FSTL5: variants seen among roughly 807,000 people sequenced by gnomAD.
The protein encoded by FSTL5 is follistatin like 5.
Under a neutral mutation model 89.1 loss-of-function variants are expected in FSTL5, and 62 were observed. The observed-to-expected ratio is 0.70, with a 90% CI of 0.57 to 0.86. FSTL5 has a LOEUF of 0.86. FSTL5 is among the 40% of genes least tolerant of loss of function. The pLI is 0.00. For synonymous variants in FSTL5, 383 were observed against 346.2 expected (o/e 1.11, Z -1.18); for missense variants, 1,057 against 1,001.6 (o/e 1.06, Z -0.75).
chr4:161,502,697 T>C (rs2126487857), intron 11 of FSTL5, among the ~76,000 whole-genome samples: 1 of 151,988 alleles, frequency 6.6e-6, no homozygotes. Flanking sequence ...CATTATTTTC[T>C]TCCTCAAAAG....
At chr4:161,607,211 T>C (rs1029597053) in intron 7 of FSTL5, among the ~76,000 whole-genome samples, 16 of 152,178 alleles carry the variant, frequency 1.1e-4, no homozygotes, top group Non-Finnish European at 2.2e-4. Flanking sequence ...TTCTCCATTA[T>C]TATGAAAATG....
chr4:161,749,176 A>G (rs768529266), intron 6 of FSTL5, among the ~76,000 whole-genome samples: 44 of 152,300 alleles, frequency 2.9e-4, no homozygotes, highest in Non-Finnish European at 5.4e-4. Flanking sequence ...ACTACTGGGT[A>G]TCTATCTACC....
intron 4 of FSTL5, among the ~76,000 whole-genome samples, chr4:161,879,913 G>A (rs769650044): frequency 4.6e-5 from 7 of 152,044 alleles, no homozygotes; most frequent in Non-Finnish European, 7.4e-5. Flanking sequence ...TAGCTCCATG[G>A]GAGCAACAGA....
Position 161,937,761 on chromosome 4 carries a change from A to T in FSTL5, c.161-17109T>A, listed in dbSNP as rs191809526. Among the ~76,000 whole-genome samples the T allele has an allele frequency of 2.0e-5, 3 of 152,304 alleles. No homozygotes were observed. In the East Asian group the frequency reaches 5.8e-4, roughly 29 times the overall value. ...GTATTTCTGCTTTAGCATGCTCCTC[A>T]GCACTGGAGGTAAGCAATGGCAAAC... On this transcript the variant is annotated intron_variant, in intron 3 of 15. Coordinates refer to ENST00000306100, the MANE Select transcript of FSTL5 (RefSeq NM_020116.5).
intron 15 of FSTL5, among the ~76,000 whole-genome samples, chr4:161,398,918 TA>T (rs1388516825): frequency 6.6e-6 from 1 of 152,032 alleles, no homozygotes; most frequent in Non-Finnish European, 1.5e-5. Flanking sequence ...TTAAGCAATT[TA>T]AAAGCCCAGA....
intron 2 of FSTL5, among the ~76,000 whole-genome samples, chr4:162,104,882 G>C (rs1265622929): frequency 6.6e-6 from 1 of 152,138 alleles, no homozygotes; most frequent in East Asian, 1.9e-4. Context: ...AGCTTGGAAG[G>C]TAAAAAGAGG....
At chr4:161,488,461 T>C (rs971869803) in intron 12 of FSTL5, among the ~76,000 whole-genome samples, 3 of 152,104 alleles carry the variant, frequency 2.0e-5, no homozygotes, top group Admixed American at 6.6e-5. Context: ...TATGACACTA[T>C]GCTATCATAA....
chr4:161,938,025 C>T (rs958246684), intron 3 of FSTL5, among the ~76,000 whole-genome samples: 1 of 152,112 alleles, frequency 6.6e-6, no homozygotes, highest in African/African-American at 2.4e-5. Context: ...TTTTAACAGA[C>T]CTTCCTTTAC....
intron 15 of FSTL5, among the ~76,000 whole-genome samples, chr4:161,423,178 C>T (rs1560887707): frequency 6.6e-6 from 1 of 152,008 alleles, no homozygotes; most frequent in Non-Finnish European, 1.5e-5. Context: ...CACCATTTCC[C>T]TCATATGGAA....
Position 161,834,060 on chromosome 4 carries a change from A to T in FSTL5, c.410-57986T>A, listed in dbSNP as rs190216194. Among the ~76,000 whole-genome samples the T allele has an allele frequency of 1.6e-3, 242 of 152,292 alleles. 1 individual carries two copies. The highest frequency in any genetic ancestry group is 5.7e-3 in the African/African-American group (235 of 41,572). Reference sequence around the variant, plus strand: ...TTGATGCAAAAATCCTCAATAAAATACTGGCAAAAAGAATCCAACAGCACA... The same window carrying T: ...TTGATGCAAAAATCCTCAATAAAATTCTGGCAAAAAGAATCCAACAGCACA... On this transcript the variant is annotated intron_variant, in intron 4 of 15. Transcript: ENST00000306100.
chr4:161,499,338 G>T (rs1437749439), intron 12 of FSTL5, among the ~76,000 whole-genome samples: 1 of 152,056 alleles, frequency 6.6e-6, no homozygotes, highest in Non-Finnish European at 1.5e-5. Context: ...TTAAATAAAA[G>T]GACATTAGAT....
intron 7 of FSTL5, among the ~76,000 whole-genome samples, chr4:161,615,483 G>A (rs538836894): frequency 6.7e-6 from 1 of 149,656 alleles, no homozygotes; most frequent in Non-Finnish European, 1.5e-5. Context: ...AGAAATACAG[G>A]CCTTCTAAAT....
Position 161,834,295 on chromosome 4 carries a change from C to T in FSTL5, c.410-58221G>A, listed in dbSNP as rs181865892. ...CTCAATAAATTAGGTATTGATGGGA[C>T]GTATCTCAAAATAACAAGAGTTATC... is the stretch of plus-strand genomic sequence containing the variant. On this transcript the variant is annotated intron_variant, in intron 4 of 15. Coordinates refer to ENST00000306100, the MANE Select transcript of FSTL5 (RefSeq NM_020116.5). Among the ~76,000 whole-genome samples, 1,209 of 152,206 alleles carry T rather than the reference C, an allele frequency of 7.9e-3. 20 individuals carry two copies. The highest frequency in any genetic ancestry group is 0.026 in the African/African-American group (1,069 of 41,528).
At chr4:161,826,762 A>G (rs1730681881) in intron 4 of FSTL5, among the ~76,000 whole-genome samples, 1 of 152,002 alleles carries the variant, frequency 6.6e-6, no homozygotes, top group African/African-American at 2.4e-5. Context: ...CTACCCCTTA[A>G]CCTTAAGTTA....
chr4:161,897,590 A>AG lies in FSTL5; in HGVS notation c.409+22813_409+22814insC, dbSNP rs1268180203. Among the ~76,000 whole-genome samples, 1,367 of 150,840 alleles carry AG rather than the reference A, an allele frequency of 9.1e-3. 21 individuals carry two copies. The highest frequency in any genetic ancestry group is 0.032 in the African/African-American group (1,322 of 41,100). On this transcript the variant is annotated intron_variant, in intron 4 of 15. Transcript: ENST00000306100. ...AACTCCGTCTCAAAAAAAAAAAAAA[A>AG]AAAAGAAAAAAAATATATATATGCA...
intron 3 of FSTL5, among the ~76,000 whole-genome samples, chr4:161,991,472 T>A (rs1736110388): frequency 6.6e-6 from 1 of 152,188 alleles, no homozygotes; most frequent in African/African-American, 2.4e-5. Context: ...GCCTCCATAT[T>A]ATTAACTCAT....
At chr4:161,550,918 A>AT (rs1203532829) in intron 8 of FSTL5, among the ~76,000 whole-genome samples, 8 of 151,898 alleles carry the variant, frequency 5.3e-5, no homozygotes, top group East Asian at 1.9e-4. Context: ...CGAACTCATC[A>AT]TTTTTTATGG....
intron 10 of FSTL5, among the ~76,000 whole-genome samples, chr4:161,518,023 T>C (rs912378265): frequency 3.3e-5 from 5 of 152,240 alleles, no homozygotes; most frequent in Non-Finnish European, 7.3e-5. Context: ...CTTTAACCTA[T>C]GCTATTTTTA....
chr4:161,861,233 G>A (rs1240416030), intron 4 of FSTL5, among the ~76,000 whole-genome samples: 1 of 152,082 alleles, frequency 6.6e-6, no homozygotes, highest in Non-Finnish European at 1.5e-5. Flanking sequence ...GACCAGCCTG[G>A]CCAACATGGT....
Sources: gnomAD v4.1 joint callset for allele counts (sites outside exome capture counted in the v4.1 genomes callset) on GRCh38, gnomAD v4.1.1 for gene constraint, MANE v1.5 for transcripts, NCBI Gene and HGNC (gene_info 2026-07-23, HGNC 2026-07-21) for gene names.